Variants in DNAJC11 observed in about 807,000 individuals in gnomAD.
DNAJC11 encodes the protein dnaJ homolog subfamily C member 11.
A neutral mutation model predicts 78.6 loss-of-function variants in DNAJC11; 15 were observed. The ratio of observed to expected loss-of-function variants is 0.19; its 90% CI spans 0.13 to 0.29. The LOEUF is 0.29. Among genes scored for constraint, DNAJC11 ranks in the 10% least tolerant of loss-of-function variants. The pLI is 1.00. For synonymous variants in DNAJC11, 292 were observed against 272.1 expected, an observed-to-expected ratio of 1.07 and a Z score of -0.72; for missense variants, 547 against 709.6, an observed-to-expected ratio of 0.77 and a Z score of 2.60.
At chr1:6,662,135 G>GTT (rs869204845) in intron 4 of DNAJC11, among the ~76,000 whole-genome samples, 8 of 116,120 alleles carry the variant, frequency 6.9e-5, no homozygotes, top group African/African-American at 1.8e-4. Flanking sequence ...TTTGTTTTTT[G>GTT]TTTTTTTTTT....
rs1326242231 is a variant in DNAJC11, at chr1:6,635,636, G to T, written c.*39C>A. The T allele has an allele frequency of 2.4e-5, 39 of 1,611,590 alleles. 1 individual carries two copies. In the Admixed American group the frequency reaches 3.7e-4, roughly 15 times the overall value. Reference sequence around the variant, plus strand: ...CCAAATTTGTAGACTCCCAGGAAAAGATTTTTTGCGGCCTTTTAAAAATCT... The same window carrying T: ...CCAAATTTGTAGACTCCCAGGAAAATATTTTTTGCGGCCTTTTAAAAATCT... On this transcript the variant is annotated 3_prime_UTR_variant, in exon 16 of 16. Coordinates refer to ENST00000377577, the MANE Select transcript of DNAJC11 (RefSeq NM_018198.4).
intron 1 of DNAJC11, among the ~76,000 whole-genome samples, chr1:6,697,074 G>A (rs1642849263): frequency 6.6e-6 from 1 of 152,176 alleles, no homozygotes; most frequent in Non-Finnish European, 1.5e-5. Flanking sequence ...GGAAATCTCA[G>A]AGGAGTGAGA....
Position 6,635,544 on chromosome 1 carries a change from A to G in DNAJC11, c.*131T>C, listed in dbSNP as rs529891375. On this transcript the variant is annotated 3_prime_UTR_variant, in exon 16 of 16. Coordinates refer to ENST00000377577, the MANE Select transcript of DNAJC11 (RefSeq NM_018198.4). Reference sequence around the variant, plus strand: ...GTCTGCATGTCCCTTCACATAATTGATAATGGTACCACCTTCTATAATAAT... The same window carrying G: ...GTCTGCATGTCCCTTCACATAATTGGTAATGGTACCACCTTCTATAATAAT... 3 of 1,032,474 alleles carry G rather than the reference A, an allele frequency of 2.9e-6. No homozygotes were observed. The highest frequency in any genetic ancestry group is 4.9e-5 in the Admixed American group (2 of 40,466). The allele number at this position is 1,032,474 out of a possible 1,614,324, so 64.0% of individuals were successfully genotyped here. A position where few individuals can be genotyped will look rare whatever the true frequency, so the allele number is the denominator to read the frequency against.
chr1:6,684,837 T>C (rs147785160), intron 1 of DNAJC11, among the ~76,000 whole-genome samples: 2 of 152,344 alleles, frequency 1.3e-5, no homozygotes, highest in East Asian at 1.9e-4. Flanking sequence ...TTTAAGTCTA[T>C]AATCTTTCAT....
intron 1 of DNAJC11, among the ~76,000 whole-genome samples, chr1:6,681,553 G>A (rs555545962): frequency 7.2e-5 from 11 of 152,280 alleles, no homozygotes; most frequent in East Asian, 1.9e-4. Flanking sequence ...ACATTCAGTG[G>A]CAGAAATGCT....
rs1335594981 is a variant in DNAJC11, at chr1:6,635,590, G to T, written c.*85C>A. 1.4e-6 allele frequency: 2 copies of T among 1,381,776 alleles called. No individual in the cohort carries two copies. Among genetic ancestry groups the T allele is most frequent in the Admixed American group, 3.8e-5 (2 of 52,580 alleles). 85.6% of individuals were successfully genotyped at this position (1,381,776 alleles called of 1,614,324 possible). On this transcript the variant is annotated 3_prime_UTR_variant, in exon 16 of 16. Transcript: ENST00000377577. ...ATAATAATATAAAATAAAAACATCTGATGTCTGGGTTTTTTCATTTCCAAA... is the reference window on the plus strand; with the variant it reads ...ATAATAATATAAAATAAAAACATCTTATGTCTGGGTTTTTTCATTTCCAAA...
At chr1:6,654,208 C>G (rs1642095897) in intron 4 of DNAJC11, 169 bp from the exon 5 acceptor site, 1 of 686,874 alleles carries the variant, frequency 1.5e-6, no homozygotes, top group Non-Finnish European at 2.3e-6. Context: ...ATGAATGTCA[C>G]AGTCCGAACC....
chr1:6,689,714 TG>T (rs1214546930), intron 1 of DNAJC11, among the ~76,000 whole-genome samples: 1 of 151,072 alleles, frequency 6.6e-6, no homozygotes, highest in Non-Finnish European at 1.5e-5. Flanking sequence ...AGGCGGAGGT[TG>T]TGGTGAGCTG....
At chr1:6,679,947 A>G (rs1570304817) in intron 2 of DNAJC11, among the ~76,000 whole-genome samples, 1 of 152,194 alleles carries the variant, frequency 6.6e-6, no homozygotes, top group Non-Finnish European at 1.5e-5. Context: ...ATGACACTAC[A>G]CCGACTGTAC....
chr1:6,665,167 G>A (rs998474602), intron 4 of DNAJC11, among the ~76,000 whole-genome samples: 11 of 152,164 alleles, frequency 7.2e-5, no homozygotes, highest in South Asian at 2.1e-4. Flanking sequence ...TCCTGGGCTC[G>A]GGCAACCCTC....
intron 7 of DNAJC11, among the ~76,000 whole-genome samples, chr1:6,647,365 G>A (rs1424116290): frequency 2.0e-5 from 3 of 152,088 alleles, no homozygotes; most frequent in East Asian, 1.9e-4. Flanking sequence ...TTATAGGCAC[G>A]AGCCACTGTG....
intron 1 of DNAJC11, among the ~76,000 whole-genome samples, chr1:6,700,433 C>G (rs1642907439): frequency 6.6e-6 from 1 of 152,210 alleles, no homozygotes; most frequent in South Asian, 2.1e-4. Context: ...AGTACCAGAA[C>G]TAGCAGCTTT....
At chr1:6,693,187 G>GT (rs1173688833) in intron 1 of DNAJC11, among the ~76,000 whole-genome samples, 1 of 151,846 alleles carries the variant, frequency 6.6e-6, no homozygotes, top group South Asian at 2.1e-4. Context: ...CGTTGGGACT[G>GT]TAAGGCGTGA....
chr1:6,694,974 C>CAAAA (rs869181454), intron 1 of DNAJC11, among the ~76,000 whole-genome samples: 3 of 32,112 alleles, frequency 9.3e-5, no homozygotes, highest in South Asian at 1.2e-3. Flanking sequence ...GACTCCGAAT[C>CAAAA]AAAAAAAAAA....
intron 10 of DNAJC11, among the ~76,000 whole-genome samples, 168 bp from the exon 11 acceptor site, chr1:6,640,225 G>A (rs1348071932): frequency 6.6e-6 from 1 of 152,136 alleles, no homozygotes; most frequent in Non-Finnish European, 1.5e-5. Context: ...CTGGCCTCCC[G>A]TTCCAAAGTC....
At chr1:6,688,328 T>G (rs1326595893) in intron 1 of DNAJC11, among the ~76,000 whole-genome samples, 1 of 152,198 alleles carries the variant, frequency 6.6e-6, no homozygotes, top group Non-Finnish European at 1.5e-5. Context: ...TTCCTTCCAA[T>G]AATAAGTTCC....
chr1:6,654,356 T>G (rs1481507527), intron 4 of DNAJC11: 1 of 191,714 alleles, frequency 5.2e-6, no homozygotes, highest in Non-Finnish European at 1.1e-5. Context: ...AGTTTGATTT[T>G]CAGAGACCAA....
Position 6,635,001 on chromosome 1 carries a change from G to GC in DNAJC11, c.*673dup. The GC allele has an allele frequency of 3.4e-6, 2 of 591,622 alleles. No individual in the cohort carries two copies. Among genetic ancestry groups the GC allele is most frequent in the Non-Finnish European group, 4.9e-6 (2 of 409,336 alleles). The allele number at this position is 591,622 out of a possible 1,614,324, so 36.6% of individuals were successfully genotyped here. Reference sequence around the variant, plus strand: ...GATACGGGAAGCCACCTGTGTCAGGGCTAGGCCCTGGGATCGGGAGTTACA... The same window carrying GC: ...GATACGGGAAGCCACCTGTGTCAGGGCCTAGGCCCTGGGATCGGGAGTTACA... On this transcript the variant is annotated 3_prime_UTR_variant, in exon 16 of 16. Coordinates refer to ENST00000377577, the MANE Select transcript of DNAJC11 (RefSeq NM_018198.4).
chr1:6,635,887 G>A (rs1004009734), intron 15 of DNAJC11, among the ~76,000 whole-genome samples, 187 bp from the exon 16 acceptor site: 50 of 152,206 alleles, frequency 3.3e-4, no homozygotes, highest in African/African-American at 1.2e-3. Flanking sequence ...CACTCAAGCC[G>A]CAGTTTCCAA....
Sources: gnomAD v4.1 joint callset for allele counts (sites outside exome capture counted in the v4.1 genomes callset) on GRCh38, gnomAD v4.1.1 for gene constraint, MANE v1.5 for transcripts, NCBI Gene and HGNC (gene_info 2026-07-23, HGNC 2026-07-21) for gene names.